The following RC3H2 variants were observed in gnomAD, a reference collection of about 807,000 sequenced individuals.
RC3H2 encodes ring finger and CCCH-type domains 2, also known as roquin-2.
In RC3H2, 31 loss-of-function variants were observed where a neutral mutation model predicts 133.3. That is an observed-to-expected ratio of 0.23 (90% CI 0.17 to 0.31). The LOEUF is 0.31. Ranked by LOEUF, RC3H2 falls within the 10% of genes least tolerant of loss-of-function variation. RC3H2 has a pLI of 1.00. For synonymous variants in RC3H2, 517 were observed against 502.2 expected, an observed-to-expected ratio of 1.03 and a Z score of -0.40; for missense variants, 1,175 against 1,437.2, an observed-to-expected ratio of 0.82 and a Z score of 2.95.
At chr9:122,860,182 G>T in intron 10 of RC3H2, 51 bp from the exon 11 acceptor site, 1 of 1,332,216 alleles carries the variant, frequency 7.5e-7, no homozygotes, top group Non-Finnish European at 1.1e-6. Flanking sequence ...GTCTATGACT[G>T]TCCTCCTTAC....
In RC3H2 at chr9:122,845,514, G is replaced by A. The variant is rs1829850105; in HGVS notation, c.*4113C>T. On this transcript the variant is annotated 3_prime_UTR_variant, in exon 21 of 21. Coordinates refer to ENST00000357244, the MANE Select transcript of RC3H2 (RefSeq NM_001100588.3). ...GTGCAGCCAGTGTCTGTGTTCCACT[G>A]GTTTGGGAATATTTTAAAAATTTTA... 6.6e-6 allele frequency: 1 copy of A among 152,044 alleles called. No homozygotes were observed. The highest frequency in any genetic ancestry group is 6.6e-5 in the Admixed American group (1 of 15,266). 9.4% of individuals were successfully genotyped at this position (152,044 alleles called of 1,614,324 possible).
At chr9:122,872,516 A>G (rs538802087) in intron 9 of RC3H2, among the ~76,000 whole-genome samples, 1 of 152,346 alleles carries the variant, frequency 6.6e-6, no homozygotes, top group East Asian at 1.9e-4. Flanking sequence ...GCTATGGCCA[A>G]AATTGCTTAT....
chr9:122,878,045 C>T (rs1437131424), intron 8 of RC3H2, among the ~76,000 whole-genome samples: 1 of 152,270 alleles, frequency 6.6e-6, no homozygotes, highest in East Asian at 1.9e-4. Context: ...GTGCAACTCT[C>T]AGGCTTAAAC....
At chr9:122,904,845 T>A (rs1019955865) in intron 1 of RC3H2, among the ~76,000 whole-genome samples, 1 of 152,096 alleles carries the variant, frequency 6.6e-6, no homozygotes, top group Admixed American at 6.5e-5. Flanking sequence ...TCGTTAGGGG[T>A]CAGAGGCGTC....
intron 4 of RC3H2, among the ~76,000 whole-genome samples, chr9:122,887,220 AT>A (rs1294346815): frequency 1.3e-5 from 2 of 152,156 alleles, no homozygotes; most frequent in Non-Finnish European, 2.9e-5. Flanking sequence ...ATTAGTTTGA[AT>A]TCAGCTAAAA....
intron 9 of RC3H2, among the ~76,000 whole-genome samples, chr9:122,871,399 G>A (rs1162526398): frequency 6.6e-6 from 1 of 151,390 alleles, no homozygotes; most frequent in Non-Finnish European, 1.5e-5. Context: ...CCAGGTTCAC[G>A]CCATTCTCCA....
At chr9:122,879,959 A>G (rs1831539791) in intron 7 of RC3H2, 34 bp downstream of exon 7, 2 of 1,612,676 alleles carry the variant, frequency 1.2e-6, no homozygotes, top group Non-Finnish European at 1.7e-6. Flanking sequence ...AAAAGTAGAA[A>G]AAAATATAAG....
intron 1 of RC3H2, among the ~76,000 whole-genome samples, chr9:122,902,139 C>G (rs1832680019): frequency 6.6e-6 from 1 of 152,040 alleles, no homozygotes; most frequent in African/African-American, 2.4e-5. Flanking sequence ...CCATGTTGGT[C>G]AGGCTGGTCT....
At chr9:122,885,105 T>G (rs1421420041) in intron 4 of RC3H2, among the ~76,000 whole-genome samples, 1 of 152,156 alleles carries the variant, frequency 6.6e-6, no homozygotes, top group Admixed American at 6.6e-5. Context: ...CTGTATTGTA[T>G]CATTAATTTT....
At chr9:122,867,200 C>T (rs1160203640) in intron 9 of RC3H2, among the ~76,000 whole-genome samples, 5 of 121,420 alleles carry the variant, frequency 4.1e-5, no homozygotes, top group East Asian at 2.4e-4. Context: ...GGAGCGTCTC[C>T]GCCCGGCAGC....
chr9:122,895,149 A>G (rs1166689659), intron 2 of RC3H2, among the ~76,000 whole-genome samples: 1 of 151,838 alleles, frequency 6.6e-6, no homozygotes, highest in Non-Finnish European at 1.5e-5. Context: ...TGCTAAATAA[A>G]TGGTAGCTAG....
Position 122,877,538 on chromosome 9 carries a change from G to A in RC3H2, c.1258C>T (p.Arg420Ter). The A allele has an allele frequency of 6.2e-7, 1 of 1,614,122 alleles. No individual in the cohort carries two copies. Among genetic ancestry groups the A allele is most frequent in the Non-Finnish European group, 8.5e-7 (1 of 1,179,990 alleles). ...KYKTSMCRDL[R>*]QQGGCPRGTN... is the part of the protein sequence containing the mutation. ...CCTCGTGGACAACCCCCTTGCTGTC[G>A]CAAATCTCGGCACATGCTAGTCTTG... Residue 420 changes from arginine (R) to a stop codon, truncating the protein, a stop_gained, in exon 9 of 21, where the codon CGA becomes TGA. Transcript: ENST00000357244. LOFTEE classifies it high-confidence loss of function.
chr9:122,861,030 G>A (rs1588061762), intron 10 of RC3H2, among the ~76,000 whole-genome samples: 2 of 152,218 alleles, frequency 1.3e-5, no homozygotes, highest in African/African-American at 4.8e-5. Flanking sequence ...GCATGCAGTA[G>A]GTACTCAGTA....
chr9:122,885,606 A>T (rs1474662583), intron 4 of RC3H2, among the ~76,000 whole-genome samples: 1 of 152,108 alleles, frequency 6.6e-6, no homozygotes, highest in East Asian at 1.9e-4. Context: ...AATTCTTTAA[A>T]TTTTTTCTTT....
chr9:122,890,024 C>G (rs547068182), intron 4 of RC3H2: 3 of 572,722 alleles, frequency 5.2e-6, no homozygotes, highest in Non-Finnish European at 6.2e-6. Flanking sequence ...TGCCTGTAGT[C>G]CCAGCTACTT....
chr9:122,852,498 T>C (rs1830080406), intron 18 of RC3H2, among the ~76,000 whole-genome samples: 1 of 133,220 alleles, frequency 7.5e-6, no homozygotes, highest in Admixed American at 7.3e-5. Context: ...GAGGAGCCCC[T>C]CTGCCTAGCC....
rs1832466996 is a variant in RC3H2 at position 122,897,329 on chromosome 9, T to C, written c.181A>G (p.Ile61Val). ...GCGAAGTTGACAGGAAGTACATCAATATCTGTGTTGATGGCAGTCTGGTCA... is the reference window on the plus strand; with the variant it reads ...GCGAAGTTGACAGGAAGTACATCAACATCTGTGTTGATGGCAGTCTGGTCA... Reference protein sequence around the residue: ...PFDQTAINTDIDVLPVNFALL... With the variant: ...PFDQTAINTDVDVLPVNFALL... The change falls in exon 2 of 21, where the codon ATT (isoleucine) becomes GTT (valine). Residue 61 changes from isoleucine (I) to valine (V), a missense_variant. Ile to Val is a conservative substitution (Grantham distance 29, BLOSUM62 3). Around this residue, in one of 8 missense-constraint regions of RC3H2, gnomAD observed 41 missense variants for 88.0 expected, o/e 0.47. Coordinates refer to ENST00000357244, the MANE Select transcript of RC3H2 (RefSeq NM_001100588.3). 1 of 1,614,146 alleles carries C rather than the reference T, an allele frequency of 6.2e-7. No homozygotes were observed. The highest frequency in any genetic ancestry group is 2.2e-5 in the East Asian group (1 of 44,896).
rs1416716899 is a variant in RC3H2, at chr9:122,858,773, C to G, written c.2179G>C (p.Val727Leu). 6.2e-7 allele frequency: 1 copy of G among 1,614,252 alleles called. No homozygotes were observed. Among genetic ancestry groups the G allele is most frequent in the South Asian group, 1.1e-5 (1 of 91,088 alleles). ...LPPMDVMHSS[V>L]YQTSLRERYN... ...CTTTCCCGCAAAGATGTCTGATAGACAGATGAGTGCATCACATCCATTGGA... is the reference window on the plus strand; with the variant it reads ...CTTTCCCGCAAAGATGTCTGATAGAGAGATGAGTGCATCACATCCATTGGA... Residue 727 changes from valine to leucine, a missense_variant, in exon 12 of 21, where the codon GTC (valine) becomes CTC (leucine). Physicochemically the swap from Val to Leu is conservative, Grantham distance 32 (BLOSUM62 1). This residue lies in a region of RC3H2 where 490 missense variants were observed against 492.8 expected (regional missense o/e 0.99). Coordinates refer to ENST00000357244, the MANE Select transcript of RC3H2 (RefSeq NM_001100588.3).
intron 10 of RC3H2, among the ~76,000 whole-genome samples, chr9:122,862,375 C>T (rs1382882698): frequency 1.3e-5 from 2 of 152,194 alleles, no homozygotes; most frequent in African/African-American, 2.4e-5. Context: ...TCTAGGCTCT[C>T]CTCCATGGCA....
Sources: allele counts gnomAD v4.1 joint callset (sites outside exome capture counted in the v4.1 genomes callset), GRCh38; gene constraint gnomAD v4.1.1; regional missense constraint gnomAD v4.1.1; transcripts MANE v1.5; gene names NCBI Gene and HGNC (gene_info 2026-07-23, HGNC 2026-07-21).